KCNK2: variants seen among roughly 807,000 people sequenced by gnomAD.
KCNK2 encodes the protein potassium channel subfamily K member 2.
A neutral mutation model predicts 40.5 loss-of-function variants in KCNK2; 21 were observed. The ratio of observed to expected loss-of-function variants is 0.52; its 90% confidence interval spans 0.37 to 0.75. KCNK2 has a LOEUF of 0.75. Ranked by LOEUF, KCNK2 falls within the 30% of genes least tolerant of loss-of-function variation. KCNK2 has a pLI of 0.00. For missense variants in KCNK2, 399 were observed against 531.6 expected (o/e 0.75, Z 2.45); for synonymous variants, 191 against 202.2 (o/e 0.94, Z 0.47).
chr1:215,210,017 TAATATATA>T (rs1665659528), intron 6 of KCNK2, among the ~76,000 whole-genome samples: 1 of 28,700 alleles, frequency 3.5e-5, no homozygotes, highest in Non-Finnish European at 5.9e-5. Context: ...ATATAATATA[TAATATATA>T]TTATATATAA....
chr1:215,213,456 C>G (rs1358536999), intron 6 of KCNK2, among the ~76,000 whole-genome samples: 1 of 151,940 alleles, frequency 6.6e-6, no homozygotes, highest in Admixed American at 6.6e-5. Flanking sequence ...TAAAAAAATA[C>G]AAAAATTAGC....
chr1:215,090,546 A>T (rs778793467), intron 2 of KCNK2, among the ~76,000 whole-genome samples: 9 of 152,322 alleles, frequency 5.9e-5, no homozygotes, highest in Non-Finnish European at 1.0e-4. Flanking sequence ...CTTTCTGGAC[A>T]ACAGGATTAT....
intron 6 of KCNK2, among the ~76,000 whole-genome samples, chr1:215,233,209 T>C (rs915955758): frequency 6.6e-6 from 1 of 152,160 alleles, no homozygotes; most frequent in Non-Finnish European, 1.5e-5. Context: ...TTGCTGATTC[T>C]ACATGCCATA....
chr1:215,056,871 A>G (rs1272955391), intron 1 of KCNK2, among the ~76,000 whole-genome samples: 2 of 152,200 alleles, frequency 1.3e-5, no homozygotes, highest in African/African-American at 4.8e-5. Flanking sequence ...ACTGCTTTAT[A>G]GATAGAATAG....
At chr1:215,153,066 G>A (rs1435249768) in intron 3 of KCNK2, among the ~76,000 whole-genome samples, 6 of 152,156 alleles carry the variant, frequency 3.9e-5, no homozygotes, top group African/African-American at 1.4e-4. Flanking sequence ...AGTCTAAACA[G>A]TTTAACTCTG....
At chr1:215,132,941 C>T (rs1387465833) in intron 3 of KCNK2, among the ~76,000 whole-genome samples, 9 of 152,196 alleles carry the variant, frequency 5.9e-5, no homozygotes, top group African/African-American at 2.2e-4. Context: ...GCAAGAAGAG[C>T]ACCTAGTACC....
upstream of KCNK2, among the ~76,000 whole-genome samples, chr1:215,078,318 T>C (rs752254108): frequency 3.3e-5 from 5 of 152,208 alleles, no homozygotes; most frequent in Non-Finnish European, 7.3e-5. Flanking sequence ...ACGCAGGAGA[T>C]AATAAAACTC....
Position 215,171,957 on chromosome 1 carries a change from C to CGT in KCNK2, c.637-40_637-39insGT, listed in dbSNP as rs1558123889. On this transcript the variant is annotated intron_variant, in intron 4 of 6. Transcript: ENST00000444842. Reference sequence around the variant, plus strand: ...CTCTCTCTCTCCCCCCATTTATATACATATATATATATACACACACCTTTC... The same window carrying CGT: ...CTCTCTCTCTCCCCCCATTTATATACGTATATATATATATACACACACCTTTC... 3.3e-6 allele frequency: 4 copies of CGT among 1,215,550 alleles called. No homozygotes were observed. The African/African-American group carries it at 6.2e-5, about 19-fold the overall frequency. The allele number at this position is 1,215,550 out of a possible 1,614,324, so 75.3% of individuals were successfully genotyped here.
intron 6 of KCNK2, among the ~76,000 whole-genome samples, chr1:215,233,705 A>G (rs914956374): frequency 6.6e-6 from 1 of 152,228 alleles, no homozygotes; most frequent in African/African-American, 2.4e-5. Context: ...GGGTCACTTA[A>G]GAAATGAGTT....
chr1:215,107,029 G>T (rs1350961628), intron 2 of KCNK2, among the ~76,000 whole-genome samples: 1 of 61,960 alleles, frequency 1.6e-5, no homozygotes, highest in Non-Finnish European at 3.8e-5. Flanking sequence ...AATGCCTCTA[G>T]ATTTTTTTTT....
intron 3 of KCNK2, among the ~76,000 whole-genome samples, chr1:215,157,519 C>G (rs938020682): frequency 1.3e-5 from 2 of 152,202 alleles, no homozygotes; most frequent in Non-Finnish European, 2.9e-5. Flanking sequence ...TCCTTCCACT[C>G]TCTTGTTATG....
At chr1:215,219,339 T>G (rs1352209784) in intron 6 of KCNK2, among the ~76,000 whole-genome samples, 3 of 152,256 alleles carry the variant, frequency 2.0e-5, no homozygotes, top group African/African-American at 7.2e-5. Context: ...ATCCTGTCCA[T>G]GCCTATTTTA....
chr1:215,120,434 T>TTTGAATAAATGAACGTG (rs1661139790), intron 2 of KCNK2, among the ~76,000 whole-genome samples: 2 of 152,200 alleles, frequency 1.3e-5, no homozygotes, highest in Non-Finnish European at 2.9e-5. Flanking sequence ...GCTAAATATT[T>TTTGAATAAATGAACGTG]TTGAATAAAT....
At chr1:215,117,851 G>A (rs1661016697) in intron 2 of KCNK2, among the ~76,000 whole-genome samples, 1 of 151,998 alleles carries the variant, frequency 6.6e-6, no homozygotes, top group Admixed American at 6.6e-5. Context: ...AAAGAAGATG[G>A]GTCTAGTATC....
At chr1:215,183,369 T>C (rs1664304144) in intron 5 of KCNK2, among the ~76,000 whole-genome samples, 1 of 152,182 alleles carries the variant, frequency 6.6e-6, no homozygotes, top group African/African-American at 2.4e-5. Context: ...ACCCACTTAA[T>C]TTTCAAACTT....
At chr1:215,183,084 C>T (rs1381999669) in intron 5 of KCNK2, among the ~76,000 whole-genome samples, 1 of 152,156 alleles carries the variant, frequency 6.6e-6, no homozygotes, top group East Asian at 1.9e-4. Flanking sequence ...AGTGAATTCT[C>T]ATTTTCCTTC....
At chr1:215,214,388 A>G (rs373856609) in intron 6 of KCNK2, among the ~76,000 whole-genome samples, 1 of 152,118 alleles carries the variant, frequency 6.6e-6, no homozygotes, top group African/African-American at 2.4e-5. Context: ...ATCAGCTCCC[A>G]CCAGGTCCCA....
At position 215,183,511 on chromosome 1, in the gene KCNK2, G is replaced by T. The variant is rs1259602455; in HGVS notation, c.823+11328G>T. 2.6e-5 allele frequency among the ~76,000 whole-genome samples: 4 copies of T among 151,972 alleles called. No individual in the cohort carries two copies. In the East Asian group the frequency reaches 7.7e-4, roughly 29 times the overall value. On this transcript the variant is annotated intron_variant, in intron 5 of 6. Transcript: ENST00000444842. ...TATTTCAACTGCCATTTGCTTTATT[G>T]TTGTATCTGTAAGGTCCTATGTGCC...
At chr1:215,023,374 G>C (rs2601623) in intron 1 of KCNK2, among the ~76,000 whole-genome samples, 66,846 of 152,034 alleles carry the variant, frequency 0.44, 16,396 homozygotes, top group Non-Finnish European at 0.55. Flanking sequence ...GTGCATAACT[G>C]AATGTGCCAG....
Sources: allele counts gnomAD v4.1 joint callset (sites outside exome capture counted in the v4.1 genomes callset), GRCh38; gene constraint gnomAD v4.1.1; transcripts MANE v1.5; gene names NCBI Gene and HGNC (gene_info 2026-07-23, HGNC 2026-07-21).